Variants in PPP2R5E observed in about 807,000 individuals in gnomAD.
PPP2R5E encodes protein phosphatase 2 regulatory subunit B'epsilon.
A neutral mutation model predicts 65.3 loss-of-function variants in PPP2R5E; 4 were observed. The observed-to-expected ratio is 0.06, with a 90% CI of 0.03 to 0.14. The LOEUF (loss-of-function observed/expected upper bound fraction) is 0.14. PPP2R5E is among the 10% of genes least tolerant of loss of function. The probability of loss-of-function intolerance (pLI) is 1.00; values close to 1 mark genes in which losing one functional copy is unlikely to be tolerated. For synonymous variants in PPP2R5E, 183 were observed against 187.4 expected, an observed-to-expected ratio of 0.98 and a Z score of 0.19; for missense variants, 274 against 556.1, an observed-to-expected ratio of 0.49 and a Z score of 5.10.
chr14:63,534,374 C>T (rs1309946099), intron 2 of PPP2R5E, among the ~76,000 whole-genome samples: 3 of 152,024 alleles, frequency 2.0e-5, no homozygotes, highest in Non-Finnish European at 4.4e-5. Context: ...AAGTGATTCT[C>T]CTGCCTCAGC....
At chr14:63,405,563 T>C (rs1410331672) in intron 5 of PPP2R5E, among the ~76,000 whole-genome samples, 1 of 152,234 alleles carries the variant, frequency 6.6e-6, no homozygotes, top group Non-Finnish European at 1.5e-5. Flanking sequence ...AGTACATATG[T>C]TTACGGGGAT....
intron 2 of PPP2R5E, among the ~76,000 whole-genome samples, chr14:63,484,791 G>C (rs1463859384): frequency 1.3e-5 from 2 of 152,120 alleles, no homozygotes; most frequent in African/African-American, 4.8e-5. Flanking sequence ...CACAAAGTTT[G>C]ATTTTTATGG....
In PPP2R5E at chr14:63,533,418, G is replaced by A. The variant is rs557805934; in HGVS notation, c.157+6111C>T. On this transcript the variant is annotated intron_variant, in intron 2 of 13. Coordinates refer to ENST00000337537, the MANE Select transcript of PPP2R5E (RefSeq NM_006246.5). ...CTCTACTAAAAATACAAAATTAGCC[G>A]GGCATGGAGGCGCATGCCTGTAATC... 1.2e-4 allele frequency among the ~76,000 whole-genome samples: 18 copies of A among 151,298 alleles called. No individual in the cohort carries two copies. In the South Asian group the frequency reaches 2.5e-3, roughly 21 times the overall value.
At chr14:63,389,505 A>G in intron 11 of PPP2R5E, 107 bp downstream of exon 11, 1 of 1,272,788 alleles carries the variant, frequency 7.9e-7, no homozygotes. Flanking sequence ...GTGAGGGGAT[A>G]GCAAATAAAC....
At position 63,396,616 on chromosome 14, in the gene PPP2R5E, A is replaced by T; in HGVS notation, c.650T>A (p.Ile217Asn). ...AAAAATATTGTTAATCTGTTTTCGG[A>T]TAAATGCTCTAAGACCAAGAAACTT... ...YGKFLGLRAF[I>N]RKQINNIFLR... The change falls in exon 6 of 14, where the codon ATC (isoleucine) becomes AAC (asparagine). Residue 217 changes from isoleucine to asparagine, a missense_variant. Physicochemically the swap from Ile to Asn is moderately radical, Grantham distance 149 (BLOSUM62 -3). Around this residue, in one of 6 missense-constraint regions of PPP2R5E, gnomAD observed 17 missense variants for 90.3 expected, o/e 0.19. Coordinates refer to ENST00000337537, the MANE Select transcript of PPP2R5E (RefSeq NM_006246.5). The T allele has an allele frequency of 6.2e-7, 1 of 1,613,304 alleles. No individual in the cohort carries two copies. The highest frequency in any genetic ancestry group is 8.5e-7 in the Non-Finnish European group (1 of 1,179,720).
intron 3 of PPP2R5E, among the ~76,000 whole-genome samples, chr14:63,440,597 T>C (rs1888175286): frequency 6.6e-6 from 1 of 151,906 alleles, no homozygotes; most frequent in Non-Finnish European, 1.5e-5. Context: ...ACCTCATTCC[T>C]ATTGGAAAGA....
chr14:63,399,893 G>A (rs1431304347), intron 5 of PPP2R5E, among the ~76,000 whole-genome samples: 1 of 152,116 alleles, frequency 6.6e-6, no homozygotes, highest in Non-Finnish European at 1.5e-5. Flanking sequence ...AGGTGATTTA[G>A]ACATGAGGTT....
At chr14:63,503,834 A>G (rs1892027698) in intron 2 of PPP2R5E, among the ~76,000 whole-genome samples, 1 of 152,166 alleles carries the variant, frequency 6.6e-6, no homozygotes, top group East Asian at 1.9e-4. Context: ...AACCATTTGG[A>G]AAAAATCCCA....
At chr14:63,512,078 TAAAAAA>T (rs57623942) in intron 2 of PPP2R5E, among the ~76,000 whole-genome samples, 5 of 87,084 alleles carry the variant, frequency 5.7e-5, no homozygotes, top group South Asian at 4.1e-4. Flanking sequence ...GACTCTGCGG[TAAAAAA>T]AAAAAAAAAA....
chr14:63,466,773 A>G (rs11850471), intron 2 of PPP2R5E, among the ~76,000 whole-genome samples: 1 of 152,108 alleles, frequency 6.6e-6, no homozygotes, highest in Non-Finnish European at 1.5e-5. Flanking sequence ...GTGTGTATAC[A>G]TATGTGTATA....
intron 1 of PPP2R5E, among the ~76,000 whole-genome samples, chr14:63,541,578 T>C (rs1053812696): frequency 6.6e-6 from 1 of 152,202 alleles, no homozygotes; most frequent in Non-Finnish European, 1.5e-5. Flanking sequence ...CAGACTCGGA[T>C]AGAAAGAATG....
intron 2 of PPP2R5E, among the ~76,000 whole-genome samples, chr14:63,458,358 A>G (rs1054918774): frequency 6.6e-6 from 1 of 152,208 alleles, no homozygotes; most frequent in African/African-American, 2.4e-5. Flanking sequence ...GCACATAATC[A>G]TGGATCCAAT....
At chr14:63,506,914 A>G (rs991021303) in intron 2 of PPP2R5E, among the ~76,000 whole-genome samples, 12 of 152,368 alleles carry the variant, frequency 7.9e-5, no homozygotes, top group African/African-American at 2.9e-4. Flanking sequence ...CAACTGATAA[A>G]TGGATTTTTA....
chr14:63,429,412 T>C (rs1312654518), intron 3 of PPP2R5E, among the ~76,000 whole-genome samples: 1 of 152,240 alleles, frequency 6.6e-6, no homozygotes, highest in East Asian at 1.9e-4. Flanking sequence ...AAAGACTATA[T>C]GAATGATGAT....
intron 5 of PPP2R5E, among the ~76,000 whole-genome samples, chr14:63,412,648 GTTCA>G (rs1886457400): frequency 6.6e-6 from 1 of 152,240 alleles, no homozygotes; most frequent in Non-Finnish European, 1.5e-5. Flanking sequence ...AAATGGGCTA[GTTCA>G]TTCTGTACAA....
chr14:63,524,519 G>GAT lies in PPP2R5E; in HGVS notation c.157+15008_157+15009dup, dbSNP rs536430708. 5.2e-3 allele frequency among the ~76,000 whole-genome samples: 785 copies of GAT among 152,322 alleles called. 14 individuals are homozygous for GAT. In the South Asian group the frequency reaches 0.073, roughly 14 times the overall value. ...AACTCACCTCAGTTCATAAAGCTAA[G>GAT]ATTATCACCTAGACTTGAACCCAGA... On this transcript the variant is annotated intron_variant, in intron 2 of 13. Coordinates refer to ENST00000337537, the MANE Select transcript of PPP2R5E (RefSeq NM_006246.5).
intron 4 of PPP2R5E, among the ~76,000 whole-genome samples, chr14:63,420,266 T>C (rs1047278349): frequency 6.6e-6 from 1 of 152,190 alleles, no homozygotes; most frequent in African/African-American, 2.4e-5. Flanking sequence ...TGTTGTTAAG[T>C]TTCTTCCAGA....
chr14:63,431,264 C>CA (rs113008212), intron 3 of PPP2R5E, among the ~76,000 whole-genome samples: 2,281 of 112,500 alleles, frequency 0.02, 49 homozygotes, highest in East Asian at 0.13. Flanking sequence ...TAGACTCTAT[C>CA]AAAAAAAAAA....
intron 11 of PPP2R5E, among the ~76,000 whole-genome samples, chr14:63,388,648 G>A (rs2139770036): frequency 6.6e-6 from 1 of 152,200 alleles, no homozygotes; most frequent in African/African-American, 2.4e-5. Context: ...TTGCTTTGCG[G>A]TACAACTGCT....
Sources: allele counts gnomAD v4.1 joint callset (sites outside exome capture counted in the v4.1 genomes callset), GRCh38; gene constraint gnomAD v4.1.1; regional missense constraint gnomAD v4.1.1; transcripts MANE v1.5; gene names NCBI Gene and HGNC (gene_info 2026-07-23, HGNC 2026-07-21).